Variants in ERCC1 observed in about 807,000 individuals in gnomAD.
The protein encoded by ERCC1 is DNA excision repair protein ERCC-1.
ERCC1 carries 36 observed loss-of-function variants against 37.6 expected under a neutral mutation model. The observed-to-expected ratio is 0.96, with a 90% CI of 0.73 to 1.26. ERCC1 has a LOEUF of 1.26. ERCC1 is among the 50% of genes most tolerant of loss of function. ERCC1 has a pLI of 0.00. For synonymous variants in ERCC1, 156 were observed against 162.1 expected, an observed-to-expected ratio of 0.96 and a Z score of 0.28; for missense variants, 349 against 376.5, an observed-to-expected ratio of 0.93 and a Z score of 0.60.
In ERCC1 at chr19:45,413,625, T is replaced by C. The variant is rs775794240; in HGVS notation, c.843+52A>G. On this transcript the variant is annotated intron_variant, in intron 9 of 9. Transcript: ENST00000300853. ...CTTTGGGGTCTCAGGTTGTGTTTATTTGGGGCTCTCTCCTTCCCCCAACTC... is the reference window on the plus strand; with the variant it reads ...CTTTGGGGTCTCAGGTTGTGTTTATCTGGGGCTCTCTCCTTCCCCCAACTC... The C allele has an allele frequency of 3.1e-6, 5 of 1,614,108 alleles. No individual in the cohort carries two copies. The Admixed American group carries it at 6.7e-5, about 22-fold the overall frequency.
rs1967105728 is a variant in ERCC1 at position 45,451,031 on chromosome 19, A to C, written c.-7-27650T>G. ...GCAGCCAGGACCGGCCCGGGCGGAC[A>C]GACCGGCCCGCCGGGAGCCCGGGGC... On this transcript the variant is annotated intron_variant, in intron 1 of 8. Coordinates refer to the ERCC1 transcript ENST00000423698. Among the ~76,000 whole-genome samples, 2 of 151,858 alleles carry C rather than the reference A, an allele frequency of 1.3e-5. 1 individual carries two copies. Among genetic ancestry groups the C allele is most frequent in the South Asian group, 4.1e-4 (2 of 4,834 alleles).
upstream of ERCC1, among the ~76,000 whole-genome samples, chr19:45,428,007 A>T (rs902314484): frequency 6.7e-6 from 1 of 148,656 alleles, no homozygotes; most frequent in African/African-American, 2.5e-5. Context: ...GTTCTACGTT[A>T]TTTCCAAGTT....
intron 1 of ERCC1, among the ~76,000 whole-genome samples, chr19:45,433,501 G>A (rs1277570540): frequency 6.6e-6 from 1 of 151,786 alleles, no homozygotes; most frequent in Non-Finnish European, 1.5e-5. Context: ...ACTCCAGCCT[G>A]GGTAACAGAG....
chr19:45,449,344 C>T (rs572746564), intron 1 of ERCC1: 2 of 152,200 alleles, frequency 1.3e-5, no homozygotes, highest in East Asian at 1.9e-4. Context: ...TTACAAACAC[C>T]GTCTTATGTA....
At chr19:45,428,110 GTCTC>G (rs1264043562), upstream of ERCC1, among the ~76,000 whole-genome samples, 2 of 124,432 alleles carry the variant, frequency 1.6e-5, no homozygotes, top group African/African-American at 8.0e-5. Context: ...TTGAGACGGA[GTCTC>G]TCTCTGTCAC....
At chr19:45,449,793 C>T (rs1374046380) in intron 1 of ERCC1, among the ~76,000 whole-genome samples, 4 of 152,012 alleles carry the variant, frequency 2.6e-5, no homozygotes, top group African/African-American at 9.7e-5. Context: ...GGTGAAACCT[C>T]GTCCCTACTA....
chr19:45,409,877 G>GTTATTATTATTA, intron 9 of ERCC1, 152 bp from the exon 10 acceptor site: 1 of 256,086 alleles, frequency 3.9e-6, no homozygotes, highest in Non-Finnish European at 6.9e-6. Context: ...ATCTTTTTAA[G>GTTATTATTATTA]TTATTATTAT....
intron 1 of ERCC1, chr19:45,450,867 G>C (rs1469098324): frequency 6.8e-6 from 1 of 146,196 alleles, no homozygotes; most frequent in East Asian, 2.1e-4. Context: ...AAACGACGCG[G>C]CCGCCGTCTC....
chr19:45,438,637 TTTATTA>T (rs1216981531), intron 1 of ERCC1, among the ~76,000 whole-genome samples: 5 of 151,048 alleles, frequency 3.3e-5, no homozygotes, highest in African/African-American at 9.7e-5. Flanking sequence ...ATTATTTTTA[TTTATTA>T]TTATTATTAT....
Position 45,450,993 on chromosome 19 carries a change from G to T in ERCC1, c.-7-27612C>A, listed in dbSNP as rs1363607814. Among the ~76,000 whole-genome samples the T allele has an allele frequency of 2.7e-5, 4 of 148,494 alleles. No homozygotes were observed. The East Asian group carries it at 6.2e-4, about 23-fold the overall frequency. On this transcript the variant is annotated intron_variant, in intron 1 of 8. Coordinates refer to the ERCC1 transcript ENST00000423698. ...CTGTTTGTCCCGGGCTGGGTGGCGC[G>T]GCCGCACAGGGCGCAGCCAGGACCG...
At chr19:45,413,322 AG>A (rs1312305294) in intron 9 of ERCC1, 2 of 545,736 alleles carry the variant, frequency 3.7e-6, no homozygotes, top group East Asian at 6.2e-5. Context: ...GCTGGAGCGT[AG>A]TAACATGCTT....
rs781163425 is a variant in ERCC1, at chr19:45,419,188, G to A, written c.435C>T (p.Tyr145=). The change falls in exon 5 of 10, where the codon TAC becomes TAT. Residue 145 remains tyrosine (Y), a synonymous_variant. Coordinates refer to ENST00000300853, the MANE Select transcript of ERCC1 (RefSeq NM_001983.4). ...STCALFLSLR[Y]HNLHPDYIHG... Reference sequence around the variant, plus strand: ...GGATGTAGTCTGGGTGCAGGTTGTGGTAGCGGAGGCTGGTGGGGGCAGGGA... The same window carrying A: ...GGATGTAGTCTGGGTGCAGGTTGTGATAGCGGAGGCTGGTGGGGGCAGGGA... 3 of 1,592,694 alleles carry A rather than the reference G, an allele frequency of 1.9e-6. No homozygotes were observed. The highest frequency in any genetic ancestry group is 2.6e-6 in the Non-Finnish European group (3 of 1,168,516).
chr19:45,447,873 G>T (rs1188419750), intron 1 of ERCC1, among the ~76,000 whole-genome samples: 4 of 143,408 alleles, frequency 2.8e-5, no homozygotes, highest in Non-Finnish European at 6.2e-5. Context: ...CTTTCTCTGA[G>T]ATTTTTTTTT....
In ERCC1 at chr19:45,409,512, G is replaced by T. The variant is rs1358283996; in HGVS notation, c.*163C>A. ...CAGCAGCCTGTGTAGTCTGCCCCCG[G>T]GAAACTGAGGAACTAAAGAAAGCTG... On this transcript the variant is annotated 3_prime_UTR_variant, in exon 10 of 10. Transcript: ENST00000300853. 1.3e-6 allele frequency: 2 copies of T among 1,593,664 alleles called. No homozygotes were observed. The highest frequency in any genetic ancestry group is 1.7e-6 in the Non-Finnish European group (2 of 1,171,026).
upstream of ERCC1, among the ~76,000 whole-genome samples, chr19:45,428,083 CTTTTT>C (rs5828235): frequency 1.7e-5 from 2 of 116,018 alleles, no homozygotes; most frequent in Admixed American, 8.9e-5. Flanking sequence ...TTCTTTCTTT[CTTTTT>C]TTTTTTTTTT....
Position 45,442,269 on chromosome 19 carries a change from G to C in ERCC1, c.-7-18888C>G, listed in dbSNP as rs201507252. On this transcript the variant is annotated intron_variant, in intron 1 of 8. Coordinates refer to the ERCC1 transcript ENST00000423698. ...CAGGAGGTGGAGGTTGCAGTGAACC[G>C]AGATGGCACCACTACACTCCAGCGT... Among the ~76,000 whole-genome samples the C allele has an allele frequency of 7.4e-5, 11 of 149,578 alleles. 1 individual carries two copies. In the East Asian group the frequency reaches 2.0e-3, roughly 27 times the overall value.
At chr19:45,426,959 T>TCAAAAAAAAA (rs35772076), upstream of ERCC1, among the ~76,000 whole-genome samples, 1 of 92,466 alleles carries the variant, frequency 1.1e-5, no homozygotes, top group Non-Finnish European at 2.1e-5. Context: ...AAACTCCATC[T>TCAAAAAAAAA]AAAAAAAAAA....
chr19:45,415,427 G>A (rs1280857006), intron 6 of ERCC1, among the ~76,000 whole-genome samples: 3 of 151,002 alleles, frequency 2.0e-5, no homozygotes, highest in African/African-American at 7.3e-5. Context: ...ACCAGGTCAG[G>A]AGATCGAGAC....
At chr19:45,432,732 G>T (rs757144334) in intron 1 of ERCC1, among the ~76,000 whole-genome samples, 3 of 152,136 alleles carry the variant, frequency 2.0e-5, no homozygotes, top group African/African-American at 2.4e-5. Context: ...TGTAGAGACG[G>T]GGTCTTGCTA....
Sources: allele counts gnomAD v4.1 joint callset (sites outside exome capture counted in the v4.1 genomes callset), GRCh38; gene constraint gnomAD v4.1.1; transcripts MANE v1.5; gene names NCBI Gene and HGNC (gene_info 2026-07-23, HGNC 2026-07-21).